Variants in FAM118B observed in about 807,000 individuals in gnomAD.
The protein encoded by FAM118B is protein FAM118B.
Under a neutral mutation model 38.5 loss-of-function variants are expected in FAM118B, and 24 were observed. The observed-to-expected ratio is 0.62, with a 90% CI of 0.45 to 0.88. The LOEUF (loss-of-function observed/expected upper bound fraction) is 0.88, where lower values mean the gene tolerates loss of function less well. Among genes scored for constraint, FAM118B ranks in the 40% least tolerant of loss-of-function variants. The probability of loss-of-function intolerance (pLI) is 0.00; values close to 1 mark genes in which losing one functional copy is unlikely to be tolerated. For synonymous variants in FAM118B, 138 were observed against 156.3 expected (o/e 0.88, Z 0.87); for missense variants, 334 against 420.0 (o/e 0.80, Z 1.79).
chr11:126,246,007 A>G (rs906236225), intron 4 of FAM118B, among the ~76,000 whole-genome samples: 5 of 151,900 alleles, frequency 3.3e-5, no homozygotes, highest in South Asian at 2.1e-4. Flanking sequence ...AAAAAAAAAA[A>G]AAAGAAAGAA....
At chr11:126,241,625 T>C (rs1815820) in intron 4 of FAM118B, among the ~76,000 whole-genome samples, 124,446 of 151,890 alleles carry the variant, frequency 0.82, 51,254 homozygotes, top group East Asian at 1. Context: ...TCTCGCCTCA[T>C]GGCAGCCTCC....
rs1950520329 is a variant in FAM118B, at chr11:126,252,638, G to A, written c.568-1667G>A. Among the ~76,000 whole-genome samples, 1 of 152,160 alleles carries A rather than the reference G, an allele frequency of 6.6e-6. No homozygotes were observed. Among genetic ancestry groups the A allele is most frequent in the Non-Finnish European group, 1.5e-5 (1 of 68,024 alleles). The stretch of plus-strand genomic sequence containing the variant: ...TTTGCCTGTGGTCCCAGCTACTTGG[G>A]AGGCTGAAGCAGGACGATCGATTGA... On this transcript the variant is annotated intron_variant, in intron 5 of 8. Coordinates refer to ENST00000533050, the MANE Select transcript of FAM118B (RefSeq NM_024556.4). The surrounding 1 kb of genome is among the most constrained non-coding windows in gnomAD (Gnocchi z 4.7).
intron 3 of FAM118B, among the ~76,000 whole-genome samples, chr11:126,239,982 G>C (rs550325573): frequency 6.6e-6 from 1 of 152,156 alleles, no homozygotes; most frequent in Non-Finnish European, 1.5e-5. Flanking sequence ...AGACAAAAAG[G>C]TTGGGGAGAA....
At chr11:126,234,026 G>A (rs1312095607) in intron 2 of FAM118B, among the ~76,000 whole-genome samples, 1 of 152,172 alleles carries the variant, frequency 6.6e-6, no homozygotes, top group East Asian at 1.9e-4. Context: ...AGACTGCAGT[G>A]AGCCAAGATG....
chr11:126,221,101 A>G (rs1286615715), intron 1 of FAM118B, among the ~76,000 whole-genome samples: 2 of 152,116 alleles, frequency 1.3e-5, no homozygotes, highest in East Asian at 1.9e-4. Flanking sequence ...GCAGGAGAAT[A>G]GCTTGAACCC....
At chr11:126,232,678 T>A (rs192454477) in intron 2 of FAM118B, among the ~76,000 whole-genome samples, 73 of 151,898 alleles carry the variant, frequency 4.8e-4, no homozygotes, top group Non-Finnish European at 5.6e-4. Context: ...TATATTTTTT[T>A]AAGTTTTTTA....
At chr11:126,235,185 T>G in intron 3 of FAM118B, 98 bp downstream of exon 3, 1 of 972,526 alleles carries the variant, frequency 1.0e-6, no homozygotes, top group Non-Finnish European at 1.6e-6. Context: ...TTTTCACTAA[T>G]TAGTATTGAC....
At chr11:126,229,643 A>T (rs1950184223) in intron 2 of FAM118B, among the ~76,000 whole-genome samples, 2 of 152,100 alleles carry the variant, frequency 1.3e-5, no homozygotes, top group South Asian at 4.1e-4. Context: ...GGGTTTCACC[A>T]TCTTGGCCAG....
rs536635854 is a variant in FAM118B, at chr11:126,246,590, G to C, written c.340-3916G>C. ...TAATAACCCTGGGGCGGGAGGCGGT[G>C]GGGGAACAGGTTTTTTTTCTTTCTT... On this transcript the variant is annotated intron_variant, in intron 4 of 8. Transcript: ENST00000533050. 1.0e-3 allele frequency among the ~76,000 whole-genome samples: 152 copies of C among 152,234 alleles called. 1 individual carries two copies. Among genetic ancestry groups the C allele is most frequent in the African/African-American group, 3.6e-3 (149 of 41,522 alleles).
intron 3 of FAM118B, among the ~76,000 whole-genome samples, chr11:126,237,062 G>A (rs1294080199): frequency 4.7e-5 from 7 of 148,860 alleles, no homozygotes; most frequent in South Asian, 2.2e-4. Context: ...GACTACAGGC[G>A]CCCGCCACCA....
rs9667502 is a variant in FAM118B, at chr11:126,226,814, C to G, written c.-76-2411C>G. Among the ~76,000 whole-genome samples, 1,068 of 151,934 alleles carry G rather than the reference C, an allele frequency of 7.0e-3. 12 individuals carry two copies. The highest frequency in any genetic ancestry group is 0.023 in the African/African-American group (950 of 41,444). ...TGGACAACATGGTGAAACCCCGTGT[C>G]TACAAAAAATTAGCCAGGCATGGTG... On this transcript the variant is annotated intron_variant, in intron 1 of 8. Coordinates refer to ENST00000533050, the MANE Select transcript of FAM118B (RefSeq NM_024556.4).
rs560833439 is a variant in FAM118B, at chr11:126,241,519, T to A, written c.339+475T>A. ...ACCAAACTGAGTTGGATAAAAGGAC[T>A]CCCTGTCTTGCTTTGTCTGAAAATT... On this transcript the variant is annotated intron_variant, in intron 4 of 8. Transcript: ENST00000533050. 2.6e-5 allele frequency among the ~76,000 whole-genome samples: 4 copies of A among 152,268 alleles called. No homozygotes were observed. In the East Asian group the frequency reaches 7.7e-4, roughly 29 times the overall value.
intron 7 of FAM118B, among the ~76,000 whole-genome samples, chr11:126,257,982 T>C (rs1391070704): frequency 6.6e-6 from 1 of 152,196 alleles, no homozygotes; most frequent in Non-Finnish European, 1.5e-5. Flanking sequence ...AAACCTCACA[T>C]TGCCAGGCTC....
At chr11:126,214,071 G>A (rs996091792) in intron 1 of FAM118B, among the ~76,000 whole-genome samples, 6 of 152,170 alleles carry the variant, frequency 3.9e-5, no homozygotes, top group Middle Eastern at 3.4e-3. Context: ...TTATGTGGCC[G>A]GGCGCGGTGG....
At chr11:126,262,068 A>G in intron 8 of FAM118B, 52 bp from the exon 9 acceptor site, 14 of 1,604,724 alleles carry the variant, frequency 8.7e-6, no homozygotes, top group African/African-American at 1.3e-5. Flanking sequence ...CTTCCAATGT[A>G]TAAACCTGTT....
chr11:126,211,748 A>C, upstream of FAM118B: 1 of 1,288,322 alleles, frequency 7.8e-7, no homozygotes. Context: ...GGCCTGGGCG[A>C]GTCACGTGGG....
At chr11:126,237,329 T>A (rs1441465139) in intron 3 of FAM118B, among the ~76,000 whole-genome samples, 1 of 145,536 alleles carries the variant, frequency 6.9e-6, no homozygotes, top group East Asian at 2.1e-4. Flanking sequence ...CAAGCAATTC[T>A]CCTGCCTCAG....
intron 1 of FAM118B, among the ~76,000 whole-genome samples, chr11:126,228,027 T>G (rs1313330153): frequency 6.6e-6 from 1 of 151,872 alleles, no homozygotes; most frequent in Non-Finnish European, 1.5e-5. Context: ...CTTGAACTCC[T>G]CAGCTCAAGC....
At position 126,261,409 on chromosome 11, in the gene FAM118B, G is replaced by A; in HGVS notation, c.983-16G>A. 1.2e-6 allele frequency: 2 copies of A among 1,612,216 alleles called. No individual in the cohort carries two copies. Among genetic ancestry groups the A allele is most frequent in the Non-Finnish European group, 1.7e-6 (2 of 1,178,348 alleles). ...GCTTTTCAGTCTAATGTCTGATGCT[G>A]ATGTCCTCTATTTAGCAGGGATGGT... On this transcript the variant is annotated splice_polypyrimidine_tract_variant and intron_variant, in intron 7 of 8. Transcript: ENST00000533050.
Sources: gnomAD v4.1 joint callset for allele counts (sites outside exome capture counted in the v4.1 genomes callset) on GRCh38, gnomAD v4.1.1 for gene constraint, Gnocchi (gnomAD v3.1) non-coding constraint, MANE v1.5 for transcripts, NCBI Gene and HGNC (gene_info 2026-07-23, HGNC 2026-07-21) for gene names.